ADAMTS18: variants seen among roughly 807,000 people sequenced by gnomAD.
ADAMTS18 encodes the protein A disintegrin and metalloproteinase with thrombospondin motifs 18.
ADAMTS18 carries 157 observed loss-of-function variants against 165.9 expected under a neutral mutation model. The ratio of observed to expected loss-of-function variants is 0.95; its 90% CI spans 0.83 to 1.08. The LOEUF is 1.08. Ranked by LOEUF, ADAMTS18 falls within the 50% of genes least tolerant of loss-of-function variation. The pLI is 0.00. For missense variants in ADAMTS18, 2,040 were observed against 1,534.0 expected (o/e 1.33, Z -5.51); for synonymous variants, 782 against 578.2 (o/e 1.35, Z -5.06).
chr16:77,320,835 G>A (rs2055983939), intron 15 of ADAMTS18, among the ~76,000 whole-genome samples: 1 of 152,116 alleles, frequency 6.6e-6, no homozygotes, highest in African/African-American at 2.4e-5. Flanking sequence ...GACATACATG[G>A]GGCCTGGTCG....
intron 3 of ADAMTS18, among the ~76,000 whole-genome samples, chr16:77,383,789 CCTTG>C: frequency 6.6e-6 from 1 of 152,148 alleles, no homozygotes; most frequent in Admixed American, 6.5e-5. Context: ...GATCCGCCCT[CCTTG>C]ACCTCCCAAA....
intron 22 of ADAMTS18, 58 bp downstream of exon 22, chr16:77,289,206 C>G: frequency 6.3e-7 from 1 of 1,598,802 alleles, no homozygotes; most frequent in Non-Finnish European, 8.6e-7. Flanking sequence ...AACAAAGTAG[C>G]CTTTGAAAAA....
chr16:77,381,435 G>C (rs1270267646), intron 3 of ADAMTS18, among the ~76,000 whole-genome samples: 1 of 152,152 alleles, frequency 6.6e-6, no homozygotes, highest in Admixed American at 6.5e-5. Flanking sequence ...TGCTTCAAAA[G>C]GACCAGAAAA....
At chr16:77,287,723 C>T (rs772185297) in intron 22 of ADAMTS18, among the ~76,000 whole-genome samples, 1 of 152,128 alleles carries the variant, frequency 6.6e-6, no homozygotes. Context: ...CCACCCGCCT[C>T]AGCCTCCCAA....
chr16:77,326,106 T>TA (rs1393927690), intron 12 of ADAMTS18, 68 bp from the exon 13 acceptor site: 10 of 1,495,110 alleles, frequency 6.7e-6, no homozygotes, highest in Non-Finnish European at 9.2e-6. Context: ...CATGCAATAA[T>TA]ATGAAGAGAG....
intron 3 of ADAMTS18, among the ~76,000 whole-genome samples, chr16:77,390,192 G>A (rs772400234): frequency 7.9e-5 from 12 of 151,956 alleles, no homozygotes; most frequent in Non-Finnish European, 1.6e-4. Context: ...GTTTCTGCAA[G>A]AAATAACGGC....
At position 77,434,877 on chromosome 16, in the gene ADAMTS18, G is replaced by T; in HGVS notation, c.-182C>A. Reference sequence around the variant, plus strand: ...CCTCCCCTCCTCCGGCCGCCTGCGCGCCCTCCCTTCTCCCGGCGCGGGCCT... The same window carrying T: ...CCTCCCCTCCTCCGGCCGCCTGCGCTCCCTCCCTTCTCCCGGCGCGGGCCT... On this transcript the variant is annotated 5_prime_UTR_variant, in exon 1 of 23. Transcript: ENST00000282849. The T allele has an allele frequency of 2.2e-6, 1 of 453,814 alleles. No individual in the cohort carries two copies. 28.1% of individuals were successfully genotyped at this position (453,814 alleles called of 1,614,324 possible).
chr16:77,423,589 G>T (rs575195118), intron 3 of ADAMTS18, among the ~76,000 whole-genome samples: 1 of 152,258 alleles, frequency 6.6e-6, no homozygotes, highest in Admixed American at 6.5e-5. Flanking sequence ...CCAGGATAAA[G>T]AGTTTTCCCT....
At chr16:77,426,747 T>C (rs2057678003) in intron 3 of ADAMTS18, among the ~76,000 whole-genome samples, 1 of 151,802 alleles carries the variant, frequency 6.6e-6, no homozygotes, top group African/African-American at 2.4e-5. Flanking sequence ...TAGGGTGGGG[T>C]GTGGTGGCTC....
chr16:77,289,513 C>A, intron 21 of ADAMTS18, 102 bp from the exon 22 acceptor site: 1 of 1,376,474 alleles, frequency 7.3e-7, no homozygotes, highest in East Asian at 2.3e-5. Flanking sequence ...AAGATGCCTG[C>A]TGATGAAACA....
At chr16:77,410,832 C>A (rs2057453127) in intron 3 of ADAMTS18, among the ~76,000 whole-genome samples, 1 of 152,140 alleles carries the variant, frequency 6.6e-6, no homozygotes, top group African/African-American at 2.4e-5. Flanking sequence ...CTTCTAGCAC[C>A]CAGCCAATAT....
At chr16:77,384,720 G>A (rs954440541) in intron 3 of ADAMTS18, among the ~76,000 whole-genome samples, 3 of 152,136 alleles carry the variant, frequency 2.0e-5, no homozygotes, top group Non-Finnish European at 4.4e-5. Flanking sequence ...TGGCATTACT[G>A]TGAAATATGA....
intron 20 of ADAMTS18, among the ~76,000 whole-genome samples, chr16:77,291,849 T>C (rs1194707505): frequency 6.6e-6 from 1 of 152,108 alleles, no homozygotes; most frequent in Admixed American, 6.6e-5. Flanking sequence ...ACCTAAGGCC[T>C]GAGGAGTTAG....
chr16:77,340,374 C>G (rs1000611957), intron 11 of ADAMTS18, among the ~76,000 whole-genome samples: 4 of 152,072 alleles, frequency 2.6e-5, no homozygotes, highest in African/African-American at 9.7e-5. Context: ...AAGGTTTCAC[C>G]ACGTTGGCCA....
intron 4 of ADAMTS18, among the ~76,000 whole-genome samples, chr16:77,365,735 G>C (rs1359545892): frequency 3.3e-5 from 5 of 152,178 alleles, no homozygotes. Context: ...GTACTAACTA[G>C]TACAGAAATA....
At position 77,389,673 on chromosome 16, in the gene ADAMTS18, G is replaced by C. The variant is rs1406680637; in HGVS notation, c.496-21950C>G. ...AGGCACCTGATAAATTCTTCGAAAGGTCTCTTAGAAGAGGTGAATCTTTGC... is the reference window on the plus strand; with the variant it reads ...AGGCACCTGATAAATTCTTCGAAAGCTCTCTTAGAAGAGGTGAATCTTTGC... On this transcript the variant is annotated intron_variant, in intron 3 of 22. Transcript: ENST00000282849. 2.0e-5 allele frequency among the ~76,000 whole-genome samples: 3 copies of C among 152,248 alleles called. No homozygotes were observed. In the East Asian group the frequency reaches 5.8e-4, roughly 29 times the overall value.
At chr16:77,338,350 C>T (rs532143930) in intron 11 of ADAMTS18, among the ~76,000 whole-genome samples, 2 of 152,200 alleles carry the variant, frequency 1.3e-5, no homozygotes, top group Admixed American at 1.3e-4. Flanking sequence ...ATTCTTGGGC[C>T]TCAGCTTCCG....
chr16:77,300,057 T>C, intron 17 of ADAMTS18: 3 of 568,350 alleles, frequency 5.3e-6, no homozygotes, highest in Middle Eastern at 4.8e-4. Flanking sequence ...TTGGTTGTGG[T>C]TGATTTGAGC....
rs1192041276 is a variant in ADAMTS18, at chr16:77,334,334, ATAT to A, written c.1859+1419_1859+1421del. ...ATATAAAGTATAAATAATACTACAT[ATAT>A]TATACTATTATATATACTACATATT... is the stretch of plus-strand genomic sequence containing the variant. On this transcript the variant is annotated intron_variant, in intron 12 of 22. Transcript: ENST00000282849. 5.4e-5 allele frequency among the ~76,000 whole-genome samples: 2 copies of A among 37,334 alleles called. 1 individual carries two copies. The highest frequency in any genetic ancestry group is 1.7e-3 in the South Asian group (2 of 1,160). 24.5% of individuals were successfully genotyped at this position (37,334 alleles called of 152,430 possible). A position where few individuals can be genotyped will look rare whatever the true frequency, so the allele number is the denominator to read the frequency against.
Sources: gnomAD v4.1 joint callset for allele counts (sites outside exome capture counted in the v4.1 genomes callset) on GRCh38, gnomAD v4.1.1 for gene constraint, MANE v1.5 for transcripts, NCBI Gene and HGNC (gene_info 2026-07-23, HGNC 2026-07-21) for gene names.